The following RIPOR3 variants were observed in gnomAD, a reference collection of about 807,000 sequenced individuals.
RIPOR3 encodes the protein family with sequence similarity 65 member C.
Under a neutral mutation model 114.3 loss-of-function variants are expected in RIPOR3, and 95 were observed. The ratio of observed to expected loss-of-function variants is 0.83; its 90% confidence interval spans 0.70 to 0.99. The LOEUF is 0.99. RIPOR3 is among the 50% of genes least tolerant of loss of function. RIPOR3 has a pLI of 0.00. For missense variants in RIPOR3, 1,252 were observed against 1,266.9 expected, an observed-to-expected ratio of 0.99 and a Z score of 0.18; for synonymous variants, 575 against 543.8, an observed-to-expected ratio of 1.06 and a Z score of -0.80.
intron 1 of RIPOR3, among the ~76,000 whole-genome samples, chr20:50,677,300 G>A (rs2086703741): frequency 2.0e-5 from 3 of 150,918 alleles, no homozygotes; most frequent in South Asian, 2.1e-4. Flanking sequence ...TTTGCATTAC[G>A]TCTCTGAGAC....
chr20:50,630,649 G>A (rs536404822), intron 2 of RIPOR3, 89 bp downstream of exon 2: 2 of 1,146,508 alleles, frequency 1.7e-6, no homozygotes, highest in Non-Finnish European at 2.5e-6. Flanking sequence ...TCGGGTCTCT[G>A]GCAGCAGGAG....
chr20:50,665,063 C>T (rs1171521940), intron 1 of RIPOR3, among the ~76,000 whole-genome samples: 1 of 152,056 alleles, frequency 6.6e-6, no homozygotes, highest in East Asian at 1.9e-4. Flanking sequence ...GATCATGCCA[C>T]TGCATTCCAG....
chr20:50,640,044 T>C (rs1269786484), intron 1 of RIPOR3, among the ~76,000 whole-genome samples: 2 of 150,794 alleles, frequency 1.3e-5, no homozygotes, highest in Non-Finnish European at 2.9e-5. Flanking sequence ...GGCATAATTT[T>C]CCATGGGCGA....
intron 2 of RIPOR3, among the ~76,000 whole-genome samples, chr20:50,621,966 G>T (rs914909935): frequency 1.3e-5 from 2 of 152,132 alleles, no homozygotes. Context: ...GCACAGAGCT[G>T]GTTTCCCTGG....
In RIPOR3 at chr20:50,679,165, CAGAGAG is replaced by C. The variant is rs60291395; in HGVS notation, c.3+11955_3+11960del. 4.2e-4 allele frequency among the ~76,000 whole-genome samples: 46 copies of C among 109,028 alleles called. 1 individual carries two copies. Among genetic ancestry groups the C allele is most frequent in the East Asian group, 5.1e-4 (2 of 3,892 alleles). The allele number at this position is 109,028 out of a possible 152,430, so 71.5% of individuals were successfully genotyped here. ...ATATATATATACACACACACACACA[CAGAGAG>C]AGAGAGATACACATATAATATTTTA... On this transcript the variant is annotated intron_variant, in intron 1 of 21. Coordinates refer to ENST00000327979, the MANE Select transcript of RIPOR3 (RefSeq NM_001290268.2).
chr20:50,593,035 C>T lies in RIPOR3; in HGVS notation c.2374G>A (p.Val792Met). ...EKHFTQLTKE[V>M]TLIEELHCAG... ...TGACAGCCACCCACCCCAGTCTTAC[C>T]TTCCTTGGTGAGCTGGGTGAAGTGC... Residue 792 changes from valine (V) to methionine (M), a missense_variant and splice_region_variant, in exon 18 of 22, where the codon GTG becomes ATG. Val to Met is a conservative substitution (Grantham distance 21). Transcript: ENST00000327979. 2 of 1,613,928 alleles carry T rather than the reference C, an allele frequency of 1.2e-6. No individual in the cohort carries two copies. The highest frequency in any genetic ancestry group is 2.2e-5 in the South Asian group (2 of 91,074).
intron 1 of RIPOR3, among the ~76,000 whole-genome samples, chr20:50,675,608 C>T (rs552043701): frequency 2.0e-5 from 3 of 152,314 alleles, no homozygotes; most frequent in Admixed American, 6.5e-5. Flanking sequence ...TCTTTATTCA[C>T]ATTTTGCAGT....
chr20:50,606,574 A>ACC (rs2083724715), intron 11 of RIPOR3, among the ~76,000 whole-genome samples: 1 of 152,064 alleles, frequency 6.6e-6, no homozygotes, highest in African/African-American at 2.4e-5. Context: ...GGCGCCATCC[A>ACC]CCTCAGCCTC....
At chr20:50,624,872 G>A (rs2084560245) in intron 2 of RIPOR3, among the ~76,000 whole-genome samples, 1 of 152,160 alleles carries the variant, frequency 6.6e-6, no homozygotes, top group Admixed American at 6.5e-5. Context: ...ACAGGGCCGG[G>A]CTCAAGTCCT....
chr20:50,637,531 C>T (rs187936417), intron 1 of RIPOR3, among the ~76,000 whole-genome samples: 21 of 152,188 alleles, frequency 1.4e-4, no homozygotes, highest in Non-Finnish European at 1.9e-4. Context: ...CAAGAATCTT[C>T]GCTCCAGGGA....
intron 1 of RIPOR3, among the ~76,000 whole-genome samples, chr20:50,690,483 C>G (rs1049833585): frequency 1.6e-4 from 24 of 152,276 alleles, no homozygotes; most frequent in Non-Finnish European, 3.1e-4. Flanking sequence ...CAGTGTCAGC[C>G]TGTCACTCCT....
At chr20:50,665,420 C>G (rs1382455363) in intron 1 of RIPOR3, among the ~76,000 whole-genome samples, 1 of 45,814 alleles carries the variant, frequency 2.2e-5, no homozygotes, top group African/African-American at 5.5e-5. Flanking sequence ...GCCCCCTCTT[C>G]CTTTTTTTTT....
intron 1 of RIPOR3, among the ~76,000 whole-genome samples, chr20:50,658,597 C>G (rs1275419910): frequency 1.3e-5 from 2 of 151,918 alleles, no homozygotes; most frequent in Non-Finnish European, 2.9e-5. Context: ...GCCTACTACT[C>G]AGGAGGCTGA....
chr20:50,594,454 AC>A (rs965446319), intron 17 of RIPOR3, 98 bp downstream of exon 17: 2 of 1,375,246 alleles, frequency 1.5e-6, no homozygotes, highest in African/African-American at 2.9e-5. Flanking sequence ...AGAGGTGAAG[AC>A]AGGGCTGAAA....
chr20:50,668,008 G>A (rs2086316240), intron 1 of RIPOR3, among the ~76,000 whole-genome samples: 1 of 152,060 alleles, frequency 6.6e-6, no homozygotes, highest in African/African-American at 2.4e-5. Context: ...AGCGTCCATG[G>A]CCCTCTCATG....
chr20:50,683,378 T>G (rs2904275), intron 1 of RIPOR3, among the ~76,000 whole-genome samples: 122,854 of 151,964 alleles, frequency 0.81, 50,686 homozygotes, highest in East Asian at 0.96. Context: ...TAGATGGAAG[T>G]GTAGGTGGGG....
At chr20:50,588,699 GTTAAA>G (rs1311738463) in intron 20 of RIPOR3, among the ~76,000 whole-genome samples, 1 of 138,844 alleles carries the variant, frequency 7.2e-6, no homozygotes, top group Admixed American at 7.3e-5. Context: ...AGCTGAGTAG[GTTAAA>G]TTAAGGTATA....
rs765328497 is a variant in RIPOR3, at chr20:50,608,569, G to A, written c.811-35C>T. On this transcript the variant is annotated intron_variant, in intron 10 of 21. Transcript: ENST00000327979. The stretch of plus-strand genomic sequence containing the variant: ...GGGGCTGGAGGGTGGTGTCTGAGCC[G>A]AACACCCAGGCACCCCAGCCCTGCC... The A allele has an allele frequency of 2.9e-5, 46 of 1,613,418 alleles. 1 individual carries two copies. In the East Asian group the frequency reaches 3.1e-4, roughly 11 times the overall value.
intron 4 of RIPOR3, among the ~76,000 whole-genome samples, chr20:50,613,688 A>G (rs1009048531): frequency 6.6e-6 from 1 of 152,204 alleles, no homozygotes; most frequent in South Asian, 2.1e-4. Flanking sequence ...GCTAAAACAT[A>G]CAAGTATTTA....
Sources: allele counts gnomAD v4.1 joint callset (sites outside exome capture counted in the v4.1 genomes callset), GRCh38; gene constraint gnomAD v4.1.1; transcripts MANE v1.5; gene names NCBI Gene and HGNC (gene_info 2026-07-23, HGNC 2026-07-21).